Variants in CDH8 observed in about 807,000 individuals in gnomAD.
CDH8 encodes the protein cadherin-8.
Under a neutral mutation model 68.1 loss-of-function variants are expected in CDH8, and 17 were observed. The observed-to-expected ratio is 0.25, with a 90% confidence interval of 0.17 to 0.37. The LOEUF is 0.37. Among genes scored for constraint, CDH8 ranks in the 10% least tolerant of loss-of-function variants. CDH8 has a pLI of 1.00. For synonymous variants in CDH8, 372 were observed against 365.1 expected, an observed-to-expected ratio of 1.02 and a Z score of -0.21; for missense variants, 763 against 999.3, an observed-to-expected ratio of 0.76 and a Z score of 3.19.
chr16:62,005,465 C>T (rs866331151), intron 2 of CDH8, among the ~76,000 whole-genome samples: 40 of 149,162 alleles, frequency 2.7e-4, no homozygotes, highest in African/African-American at 9.6e-4. Context: ...AGGCCGGGTG[C>T]TGTGGCTCAC....
intron 10 of CDH8, among the ~76,000 whole-genome samples, chr16:61,681,892 G>A (rs1442242642): frequency 6.6e-6 from 1 of 151,852 alleles, no homozygotes; most frequent in Non-Finnish European, 1.5e-5. Context: ...GGCATCTGAG[G>A]AGAGTCCTGT....
intron 10 of CDH8, among the ~76,000 whole-genome samples, chr16:61,664,382 T>A (rs951082219): frequency 5.9e-5 from 9 of 151,882 alleles, no homozygotes; most frequent in Non-Finnish European, 1.3e-4. Flanking sequence ...GAGTAACAAA[T>A]AACCAATTGC....
intron 8 of CDH8, among the ~76,000 whole-genome samples, chr16:61,752,134 CAAAT>C: frequency 6.6e-6 from 1 of 152,170 alleles, no homozygotes; most frequent in Non-Finnish European, 1.5e-5. Flanking sequence ...CTAATAAAAA[CAAAT>C]AAATCAGAAT....
chr16:61,981,675 T>TGC (rs1290560500), intron 2 of CDH8, among the ~76,000 whole-genome samples: 67 of 151,114 alleles, frequency 4.4e-4, no homozygotes, highest in African/African-American at 1.6e-3. Context: ...TGTGTGTGTG[T>TGC]GTGTGTGCGC....
At chr16:61,912,702 G>A (rs1210277070) in intron 2 of CDH8, among the ~76,000 whole-genome samples, 1 of 152,006 alleles carries the variant, frequency 6.6e-6, no homozygotes, top group African/African-American at 2.4e-5. Context: ...TCTTGGGCAG[G>A]TCACCTACAT....
chr16:61,871,207 G>A (rs1459095309), intron 3 of CDH8, among the ~76,000 whole-genome samples: 2 of 151,552 alleles, frequency 1.3e-5, no homozygotes, highest in African/African-American at 4.9e-5. Context: ...TTTGAGACAG[G>A]ATCTCACTCT....
At chr16:61,900,759 C>A (rs1432788906) in intron 3 of CDH8, among the ~76,000 whole-genome samples, 1 of 152,128 alleles carries the variant, frequency 6.6e-6, no homozygotes, top group Admixed American at 6.5e-5. Flanking sequence ...TGACTACAGA[C>A]CTAGATGACT....
intron 2 of CDH8, among the ~76,000 whole-genome samples, chr16:61,947,102 G>C (rs1964814321): frequency 6.6e-6 from 1 of 152,018 alleles, no homozygotes; most frequent in Admixed American, 6.6e-5. Flanking sequence ...TTTCAAGACT[G>C]ATCAAAAAAC....
At chr16:61,677,851 G>A (rs544300730) in intron 10 of CDH8, among the ~76,000 whole-genome samples, 9 of 151,992 alleles carry the variant, frequency 5.9e-5, no homozygotes, top group Admixed American at 1.3e-4. Flanking sequence ...TGATGGGAAG[G>A]AAGGGTCAGA....
In CDH8 at chr16:61,891,814, T is replaced by C. The variant is rs550789129; in HGVS notation, c.547+9365A>G. ...TTTCAATTTTGTTCATCACGCTGAA[T>C]GAAACAAGAAAAAATATAATCAAAT... On this transcript the variant is annotated intron_variant, in intron 3 of 11. Transcript: ENST00000577390. 3.0e-4 allele frequency among the ~76,000 whole-genome samples: 46 copies of C among 152,322 alleles called. 1 individual carries two copies. The East Asian group carries it at 8.1e-3, about 27-fold the overall frequency.
rs1036727016 is a variant in CDH8, at chr16:61,650,558, T to C, written c.*3050A>G. On this transcript the variant is annotated 3_prime_UTR_variant, in exon 12 of 12. Coordinates refer to ENST00000577390, the MANE Select transcript of CDH8 (RefSeq NM_001796.5). ...TTTAACAAATTGAGCATGGGATACTTAAATCTTAGAAAATGTTAGGAACCT... is the reference window on the plus strand; with the variant it reads ...TTTAACAAATTGAGCATGGGATACTCAAATCTTAGAAAATGTTAGGAACCT... 1.3e-5 allele frequency: 2 copies of C among 152,128 alleles called. No homozygotes were observed. The highest frequency in any genetic ancestry group is 2.9e-5 in the Non-Finnish European group (2 of 68,018). 9.4% of individuals were successfully genotyped at this position (152,128 alleles called of 1,614,324 possible). A position where few individuals can be genotyped will look rare whatever the true frequency, so the allele number is the denominator to read the frequency against.
intron 2 of CDH8, among the ~76,000 whole-genome samples, chr16:61,991,298 T>C (rs1232809328): frequency 6.6e-6 from 1 of 152,174 alleles, no homozygotes; most frequent in East Asian, 1.9e-4. Context: ...TGAGGCACTT[T>C]TGTGTGCTCT....
At chr16:61,874,457 G>A (rs556132316) in intron 3 of CDH8, among the ~76,000 whole-genome samples, 12 of 151,804 alleles carry the variant, frequency 7.9e-5, no homozygotes, top group South Asian at 2.1e-4. Flanking sequence ...TCAGCCTCCC[G>A]AGTAGCTGGG....
intron 2 of CDH8, among the ~76,000 whole-genome samples, chr16:61,961,927 A>G (rs1402338924): frequency 2.6e-5 from 4 of 152,222 alleles, no homozygotes; most frequent in Admixed American, 2.6e-4. Flanking sequence ...GACTCCCCCA[A>G]AAAACTTAAC....
intron 3 of CDH8, among the ~76,000 whole-genome samples, chr16:61,867,882 G>T (rs558524428): frequency 1.3e-5 from 2 of 152,180 alleles, no homozygotes; most frequent in African/African-American, 4.8e-5. Context: ...AGTGCATACA[G>T]ATTTTCCCCT....
chr16:61,922,311 A>G (rs1466891777), intron 2 of CDH8, among the ~76,000 whole-genome samples: 1 of 152,200 alleles, frequency 6.6e-6, no homozygotes, highest in African/African-American at 2.4e-5. Flanking sequence ...TGTGTAAAAA[A>G]CAATCACCTT....
At chr16:61,743,236 T>G (rs1403975607) in intron 8 of CDH8, 1 of 152,160 alleles carries the variant, frequency 6.6e-6, no homozygotes, top group African/African-American at 2.4e-5. Context: ...CTCCTACAAA[T>G]GAAGCTTGAG....
At chr16:61,708,133 A>T (rs1267645257) in intron 10 of CDH8, among the ~76,000 whole-genome samples, 1 of 151,894 alleles carries the variant, frequency 6.6e-6, no homozygotes, top group Non-Finnish European at 1.5e-5. Flanking sequence ...TTGTTTTTTG[A>T]TTATTATTAT....
intron 10 of CDH8, among the ~76,000 whole-genome samples, chr16:61,709,985 T>C (rs1225233577): frequency 6.6e-6 from 1 of 152,148 alleles, no homozygotes; most frequent in African/African-American, 2.4e-5. Flanking sequence ...ACAAGATTTA[T>C]AATTCTGAAG....
Sources: gnomAD v4.1 joint callset for allele counts (sites outside exome capture counted in the v4.1 genomes callset) on GRCh38, gnomAD v4.1.1 for gene constraint, MANE v1.5 for transcripts, NCBI Gene and HGNC (gene_info 2026-07-23, HGNC 2026-07-21) for gene names.